The following RIMKLB variants were observed in gnomAD, a reference collection of about 807,000 sequenced individuals.
The protein encoded by RIMKLB is ribosomal modification protein rimK like family member B.
RIMKLB carries 7 observed loss-of-function variants against 32.0 expected under a neutral mutation model. The ratio of observed to expected loss-of-function variants is 0.22; its 90% CI spans 0.12 to 0.41. The LOEUF (loss-of-function observed/expected upper bound fraction) is 0.41. Ranked by LOEUF, RIMKLB falls within the 10% of genes least tolerant of loss-of-function variation. The pLI, the probability that RIMKLB is intolerant of heterozygous loss-of-function variation, is 1.00. For synonymous variants in RIMKLB, 172 were observed against 185.1 expected, an observed-to-expected ratio of 0.93 and a Z score of 0.57; for missense variants, 289 against 498.7, an observed-to-expected ratio of 0.58 and a Z score of 4.00.
rs1591982586 is a variant in RIMKLB, at chr12:8,765,707, T to A, written c.698-7614T>A. ...TCGGGAAATATTGGCACTCTTTGGT[T>A]CATTGTTTACCCCTTTGTCTATCTC... On this transcript the variant is annotated intron_variant, in intron 5 of 5. Coordinates refer to ENST00000535829, the MANE Select transcript of RIMKLB (RefSeq NM_001297776.2). Among the ~76,000 whole-genome samples, 3 of 152,260 alleles carry A rather than the reference T, an allele frequency of 2.0e-5. No individual in the cohort carries two copies. In the South Asian group the frequency reaches 6.2e-4, roughly 32 times the overall value.
chr12:8,669,276 G>C, the RIMKLB span, among the ~76,000 whole-genome samples: 2 of 152,002 alleles, frequency 1.3e-5, no homozygotes, highest in Non-Finnish European at 2.9e-5. Flanking sequence ...CTAATAGAGG[G>C]AGAACTCACT....
intron 7 of RIMKLB, among the ~76,000 whole-genome samples, chr12:8,782,659 A>G (rs1236964209): frequency 3.3e-5 from 5 of 152,132 alleles, no homozygotes; most frequent in Non-Finnish European, 7.4e-5. Context: ...ACAGTAATAG[A>G]TTTAGCTTTT....
chr12:8,708,629 C>T (rs781700484), intron 1 of RIMKLB, among the ~76,000 whole-genome samples: 4 of 152,112 alleles, frequency 2.6e-5, no homozygotes, highest in African/African-American at 4.8e-5. Flanking sequence ...AATTATTCCT[C>T]GGGTTGGTCT....
At chr12:8,683,483 A>C (rs879837542) in intron 1 of RIMKLB, among the ~76,000 whole-genome samples, 1 of 152,014 alleles carries the variant, frequency 6.6e-6, no homozygotes, top group Non-Finnish European at 1.5e-5. Context: ...CTTATGTTTT[A>C]ATTTTTATGC....
At chr12:8,701,193 TA>T (rs1404290362) in intron 1 of RIMKLB, among the ~76,000 whole-genome samples, 3 of 152,258 alleles carry the variant, frequency 2.0e-5, no homozygotes, top group East Asian at 3.9e-4. Context: ...AGAGGTTGAG[TA>T]GGGAGATTAC....
chr12:8,698,609 T>C (rs1943078943), intron 1 of RIMKLB, among the ~76,000 whole-genome samples: 1 of 151,928 alleles, frequency 6.6e-6, no homozygotes, highest in South Asian at 2.1e-4. Flanking sequence ...GAGTATGGTT[T>C]CCCCGCCGGC....
chr12:8,701,053 A>C (rs1004492927), intron 1 of RIMKLB, among the ~76,000 whole-genome samples: 9 of 151,858 alleles, frequency 5.9e-5, no homozygotes, highest in African/African-American at 1.9e-4. Flanking sequence ...GCAACAGAGC[A>C]AGACTGTCTC....
intron 4 of RIMKLB, among the ~76,000 whole-genome samples, 194 bp downstream of exon 4, chr12:8,752,237 ACT>A (rs1948672152): frequency 6.6e-6 from 1 of 152,222 alleles, no homozygotes; most frequent in South Asian, 2.1e-4. Flanking sequence ...TAACATACAT[ACT>A]TAGACTGAGT....
At chr12:8,707,210 T>C (rs1425013286) in intron 1 of RIMKLB, among the ~76,000 whole-genome samples, 1 of 152,126 alleles carries the variant, frequency 6.6e-6, no homozygotes, top group Non-Finnish European at 1.5e-5. Context: ...GGTTAAGTGC[T>C]CAGTTGCCAA....
intron 2 of RIMKLB, among the ~76,000 whole-genome samples, chr12:8,748,271 G>T (rs1431073997): frequency 1.3e-5 from 2 of 151,976 alleles, no homozygotes; most frequent in African/African-American, 4.8e-5. Context: ...AGTTACCCAT[G>T]GTACAGTACA....
chr12:8,690,973 G>T (rs1942714714), intron 1 of RIMKLB, among the ~76,000 whole-genome samples: 1 of 152,058 alleles, frequency 6.6e-6, no homozygotes, highest in South Asian at 2.1e-4. Flanking sequence ...AGTAGGGTTA[G>T]AACACTCCAT....
At chr12:8,681,225 A>G (rs1054768108), upstream of RIMKLB, among the ~76,000 whole-genome samples, 1 of 152,072 alleles carries the variant, frequency 6.6e-6, no homozygotes, top group Non-Finnish European at 1.5e-5. Flanking sequence ...TCCGCCTCCC[A>G]AAGTACTAGG....
downstream of RIMKLB, chr12:8,778,993 A>G (rs1950890371): frequency 6.6e-6 from 1 of 152,240 alleles, no homozygotes; most frequent in Non-Finnish European, 1.5e-5. Flanking sequence ...ATCTTAAGAC[A>G]AAAATATTTA....
At position 8,774,615 on chromosome 12, in the gene RIMKLB, C is replaced by CT. The variant is rs935969781; in HGVS notation, c.*832dup. On this transcript the variant is annotated 3_prime_UTR_variant, in exon 6 of 6. Transcript: ENST00000535829. Reference sequence around the variant, plus strand: ...ATACATGCTAGTCTAACATTTCCTGCTCTATGCCTGCATCTTTAACAATGG... The same window carrying CT: ...ATACATGCTAGTCTAACATTTCCTGCTTCTATGCCTGCATCTTTAACAATGG... 23 of 978,184 alleles carry CT rather than the reference C, an allele frequency of 2.4e-5. No homozygotes were observed. The highest frequency in any genetic ancestry group is 2.8e-5 in the Non-Finnish European group (23 of 826,234). 60.6% of individuals were successfully genotyped at this position (978,184 alleles called of 1,614,324 possible).
At chr12:8,714,196 A>G (rs768830981) in intron 2 of RIMKLB, 155 bp downstream of exon 2, 172 of 598,246 alleles carry the variant, frequency 2.9e-4, no homozygotes, top group Non-Finnish European at 4.5e-4. Flanking sequence ...AAGTAATATA[A>G]ACACTAATAT....
chr12:8,697,795 G>C (rs1308534275), upstream of RIMKLB: 1 of 151,642 alleles, frequency 6.6e-6, no homozygotes, highest in African/African-American at 2.4e-5. Context: ...GATCCGCTCG[G>C]CAGTGCTCGG....
At chr12:8,680,217 G>A (rs1311243306), upstream of RIMKLB, among the ~76,000 whole-genome samples, 4 of 152,146 alleles carry the variant, frequency 2.6e-5, no homozygotes, top group Admixed American at 1.3e-4. Flanking sequence ...GCGCAGTGGC[G>A]CGATCTCGGC....
chr12:8,736,517 C>CT (rs1157484475), intron 2 of RIMKLB, among the ~76,000 whole-genome samples: 6,427 of 126,732 alleles, frequency 0.051, 220 homozygotes, highest in Non-Finnish European at 0.071. Flanking sequence ...CATGTATTTC[C>CT]TTTTTTTTTT....
intron 1 of RIMKLB, among the ~76,000 whole-genome samples, chr12:8,711,255 C>T (rs1370968438): frequency 6.6e-6 from 1 of 151,362 alleles, no homozygotes; most frequent in East Asian, 1.9e-4. Context: ...AAAAATTAGC[C>T]TGATGTGATT....
Sources: allele counts gnomAD v4.1 joint callset (sites outside exome capture counted in the v4.1 genomes callset), GRCh38; gene constraint gnomAD v4.1.1; transcripts MANE v1.5; gene names NCBI Gene and HGNC (gene_info 2026-07-23, HGNC 2026-07-21).